Variants in GRID2 observed in about 807,000 individuals in gnomAD.
GRID2 encodes the protein glutamate ionotropic receptor delta type subunit 2.
GRID2 carries 33 observed loss-of-function variants against 114.8 expected under a neutral mutation model. That is an observed-to-expected ratio of 0.29 (90% CI 0.22 to 0.38). GRID2 has a LOEUF of 0.38. GRID2 is among the 10% of genes least tolerant of loss of function. The probability of loss-of-function intolerance (pLI) is 1.00; values close to 1 mark genes in which losing one functional copy is unlikely to be tolerated. For synonymous variants in GRID2, 505 were observed against 449.9 expected, an observed-to-expected ratio of 1.12 and a Z score of -1.55; for missense variants, 1,184 against 1,257.7, an observed-to-expected ratio of 0.94 and a Z score of 0.89.
chr4:93,042,128 C>A (rs896575508), intron 2 of GRID2, among the ~76,000 whole-genome samples: 8 of 151,986 alleles, frequency 5.3e-5, no homozygotes, highest in African/African-American at 1.9e-4. Flanking sequence ...TGGTCTCAAT[C>A]TTCTGACCTC....
chr4:92,420,966 T>C (rs950131443), intron 1 of GRID2, among the ~76,000 whole-genome samples: 1 of 152,156 alleles, frequency 6.6e-6, no homozygotes, highest in Non-Finnish European at 1.5e-5. Flanking sequence ...ATTATAGGCA[T>C]GAGCCAAGCT....
At chr4:92,819,439 T>TA (rs140665775) in intron 2 of GRID2, among the ~76,000 whole-genome samples, 53 of 152,068 alleles carry the variant, frequency 3.5e-4, no homozygotes, top group African/African-American at 1.2e-3. Context: ...GAATAGGGTT[T>TA]AAAAAGGAAT....
At chr4:92,617,467 T>G (rs185729177) in intron 2 of GRID2, among the ~76,000 whole-genome samples, 3 of 151,682 alleles carry the variant, frequency 2.0e-5, no homozygotes, top group Non-Finnish European at 4.4e-5. Context: ...AGTGAGAACA[T>G]GCAGTGTTTT....
intron 1 of GRID2, among the ~76,000 whole-genome samples, chr4:93,795,347 TA>T (rs1438580952): frequency 3.3e-5 from 5 of 151,890 alleles, no homozygotes; most frequent in African/African-American, 1.2e-4. Context: ...AAGTGTGTAT[TA>T]TATATATGTT....
intron 2 of GRID2, among the ~76,000 whole-genome samples, chr4:92,996,602 T>TTG (rs1483228583): frequency 6.6e-6 from 1 of 152,114 alleles, no homozygotes; most frequent in Non-Finnish European, 1.5e-5. Context: ...AAATCCTCAT[T>TTG]CTACATGTTG....
At chr4:92,605,493 G>A (rs968296919) in intron 2 of GRID2, among the ~76,000 whole-genome samples, 4 of 151,952 alleles carry the variant, frequency 2.6e-5, no homozygotes, top group African/African-American at 7.2e-5. Context: ...GGAAACAAGT[G>A]ACATAAAATA....
At chr4:92,671,121 G>T (rs920368755) in intron 2 of GRID2, among the ~76,000 whole-genome samples, 1 of 152,046 alleles carries the variant, frequency 6.6e-6, no homozygotes, top group Non-Finnish European at 1.5e-5. Flanking sequence ...AGGAAGCATG[G>T]CTTGGAGGCC....
Position 93,679,018 on chromosome 4 carries a change from G to A in GRID2, c.2360+52583G>A, listed in dbSNP as rs892951129. 6.0e-5 allele frequency among the ~76,000 whole-genome samples: 9 copies of A among 151,172 alleles called. 1 individual carries two copies. Among genetic ancestry groups the A allele is most frequent in the African/African-American group, 2.2e-4 (9 of 40,742 alleles). On this transcript the variant is annotated intron_variant, in intron 14 of 15. Transcript: ENST00000282020. ...AAGAGTCAAGACCCATCAGTGTGCT[G>A]TATTCAGGAAACCCATCACACATGC...
At chr4:93,277,641 A>G (rs1752198412) in intron 8 of GRID2, among the ~76,000 whole-genome samples, 1 of 151,976 alleles carries the variant, frequency 6.6e-6, no homozygotes, top group South Asian at 2.1e-4. Flanking sequence ...TTACACATTG[A>G]ACATATTAGC....
chr4:92,485,334 A>G (rs1358881397), intron 1 of GRID2, among the ~76,000 whole-genome samples: 11 of 102,564 alleles, frequency 1.1e-4, no homozygotes, highest in African/African-American at 3.1e-4. Flanking sequence ...ATATATATAT[A>G]TATATATATA....
intron 1 of GRID2, among the ~76,000 whole-genome samples, chr4:92,432,722 C>T (rs1037509513): frequency 5.3e-5 from 8 of 152,102 alleles, no homozygotes; most frequent in African/African-American, 1.9e-4. Context: ...CATGAGCCTG[C>T]TTAGTACTCT....
At chr4:92,953,212 T>A (rs1752152626) in intron 2 of GRID2, among the ~76,000 whole-genome samples, 2 of 152,180 alleles carry the variant, frequency 1.3e-5, no homozygotes, top group Admixed American at 1.3e-4. Context: ...CAATATATTT[T>A]GAGTTTGGGG....
At chr4:93,265,689 GT>G (rs775473149) in intron 8 of GRID2, among the ~76,000 whole-genome samples, 2 of 152,208 alleles carry the variant, frequency 1.3e-5, no homozygotes, top group East Asian at 1.9e-4. Flanking sequence ...AACAAGTAAG[GT>G]AATTATTTAC....
At chr4:93,055,580 A>C (rs902202576) in intron 2 of GRID2, among the ~76,000 whole-genome samples, 1 of 151,970 alleles carries the variant, frequency 6.6e-6, no homozygotes, top group Admixed American at 6.6e-5. Flanking sequence ...ATAGCCTACC[A>C]AATCAAAACT....
intron 1 of GRID2, among the ~76,000 whole-genome samples, chr4:92,384,462 A>T (rs1579275123): frequency 2.2e-5 from 1 of 44,946 alleles, no homozygotes; most frequent in African/African-American, 9.6e-5. Flanking sequence ...ATATATATAT[A>T]TATATATATA....
chr4:93,359,587 G>A (rs558933376), intron 8 of GRID2, among the ~76,000 whole-genome samples: 47 of 150,804 alleles, frequency 3.1e-4, no homozygotes, highest in African/African-American at 1.1e-3. Flanking sequence ...CCCAGCCTCT[G>A]GTAACCATCC....
At chr4:92,465,757 A>C (rs1721721963) in intron 1 of GRID2, among the ~76,000 whole-genome samples, 3 of 152,004 alleles carry the variant, frequency 2.0e-5, no homozygotes, top group Admixed American at 2.0e-4. Context: ...AGAATAAATG[A>C]GATTGTGAGA....
At position 92,600,044 on chromosome 4, in the gene GRID2, G is replaced by GTATATATATATA. The variant is rs70942915; in HGVS notation, c.244+9792_244+9803dup. On this transcript the variant is annotated intron_variant, in intron 2 of 15. Coordinates refer to ENST00000282020, the MANE Select transcript of GRID2 (RefSeq NM_001510.4). ...CATGTATGTGTGTGTGTGTGTGTGT[G>GTATATATATATA]TATATATATATATATATATATATAT... is the stretch of plus-strand genomic sequence containing the variant. Among the ~76,000 whole-genome samples the GTATATATATATA allele has an allele frequency of 3.2e-3, 174 of 54,386 alleles. 2 individuals carry two copies. Among genetic ancestry groups the GTATATATATATA allele is most frequent in the Non-Finnish European group, 4.1e-3 (120 of 28,984 alleles). 35.7% of individuals were successfully genotyped at this position (54,386 alleles called of 152,430 possible).
At chr4:92,722,777 T>A (rs766699494) in intron 2 of GRID2, among the ~76,000 whole-genome samples, 3 of 151,450 alleles carry the variant, frequency 2.0e-5, no homozygotes, top group Non-Finnish European at 4.4e-5. Context: ...CAAAGAAACA[T>A]AAGATTATTT....
Sources: allele counts gnomAD v4.1 joint callset (sites outside exome capture counted in the v4.1 genomes callset), GRCh38; gene constraint gnomAD v4.1.1; transcripts MANE v1.5; gene names NCBI Gene and HGNC (gene_info 2026-07-23, HGNC 2026-07-21).